The following KIAA0232 variants were observed in gnomAD, a reference collection of about 807,000 sequenced individuals.
KIAA0232 encodes uncharacterized protein KIAA0232.
Under a neutral mutation model 122.0 loss-of-function variants are expected in KIAA0232, and 27 were observed. The observed-to-expected ratio is 0.22, with a 90% CI of 0.16 to 0.31. KIAA0232 has a LOEUF of 0.31. Among genes scored for constraint, KIAA0232 ranks in the 10% least tolerant of loss-of-function variants. The pLI, the probability that KIAA0232 is intolerant of heterozygous loss-of-function variation, is 1.00. For missense variants in KIAA0232, 1,551 were observed against 1,634.2 expected (o/e 0.95, Z 0.88); for synonymous variants, 613 against 587.6 (o/e 1.04, Z -0.63).
intron 1 of KIAA0232, among the ~76,000 whole-genome samples, chr4:6,802,838 G>A (rs1268596518): frequency 4.6e-5 from 7 of 151,902 alleles, no homozygotes; most frequent in Admixed American, 2.6e-4. Context: ...AATGACAGAA[G>A]GTTGAAAGAA....
intron 4 of KIAA0232, among the ~76,000 whole-genome samples, chr4:6,850,538 T>C (rs1226758460): frequency 6.6e-6 from 1 of 152,244 alleles, no homozygotes; most frequent in African/African-American, 2.4e-5. Context: ...TAACATGATC[T>C]TATAATGTCT....
At chr4:6,813,764 T>A (rs1378498120) in intron 2 of KIAA0232, among the ~76,000 whole-genome samples, 1 of 152,120 alleles carries the variant, frequency 6.6e-6, no homozygotes, top group East Asian at 1.9e-4. Context: ...TACTTTCATT[T>A]AAAAATTTAG....
At chr4:6,867,165 C>G (rs1395635906) in intron 7 of KIAA0232, among the ~76,000 whole-genome samples, 1 of 152,108 alleles carries the variant, frequency 6.6e-6, no homozygotes, top group African/African-American at 2.4e-5. Context: ...CTAGTCAGTT[C>G]TTTATGTTTT....
At position 6,855,095 on chromosome 4, in the gene KIAA0232, AT is replaced by A. The variant is rs1214639376; in HGVS notation, c.370-2062del. Among the ~76,000 whole-genome samples the A allele has an allele frequency of 6.7e-6, 1 of 149,324 alleles. No individual in the cohort carries two copies. Among genetic ancestry groups the A allele is most frequent in the Non-Finnish European group, 1.5e-5 (1 of 67,334 alleles). Reference sequence around the variant, plus strand: ...TATTTTTTATTTTTTATTTTTTTTTATTTTTTTGAGACCGAGTCTCGCTCTG... The same window carrying A: ...TATTTTTTATTTTTTATTTTTTTTTATTTTTTGAGACCGAGTCTCGCTCTG... On this transcript the variant is annotated intron_variant, in intron 4 of 9. Transcript: ENST00000307659. This position sits in a 1 kb window ranked among gnomAD's most constrained non-coding sequence, Gnocchi z 4.3.
At chr4:6,843,044 T>C (rs2108742597) in intron 4 of KIAA0232, among the ~76,000 whole-genome samples, 1 of 152,328 alleles carries the variant, frequency 6.6e-6, no homozygotes, top group African/African-American at 2.4e-5. Flanking sequence ...TTTTTGTTTT[T>C]AGAAAATATT....
intron 2 of KIAA0232, among the ~76,000 whole-genome samples, chr4:6,816,311 C>G (rs1209176665): frequency 6.6e-6 from 1 of 151,050 alleles, no homozygotes; most frequent in South Asian, 2.1e-4. Context: ...GAGACGGAGC[C>G]TCGCTCTGTT....
intron 4 of KIAA0232, among the ~76,000 whole-genome samples, chr4:6,843,669 C>T (rs2108744532): frequency 6.6e-6 from 1 of 152,170 alleles, no homozygotes; most frequent in East Asian, 1.9e-4. Context: ...ACTTCGGAGG[C>T]TGAGGCAGGA....
chr4:6,851,334 T>C (rs761959711), intron 4 of KIAA0232, among the ~76,000 whole-genome samples: 15 of 152,210 alleles, frequency 9.9e-5, no homozygotes, highest in Non-Finnish European at 1.6e-4. Context: ...TCAGGAAGTT[T>C]ACTTGTTAGA....
At chr4:6,856,545 A>T (rs1180119843) in intron 4 of KIAA0232, among the ~76,000 whole-genome samples, 1 of 152,186 alleles carries the variant, frequency 6.6e-6, no homozygotes, top group Non-Finnish European at 1.5e-5. Flanking sequence ...CTTAAATTTT[A>T]AACTCCCAAG....
chr4:6,862,168 T>C lies in KIAA0232; in HGVS notation c.1786T>C (p.Ser596Pro), dbSNP rs1176297179. 1 of 1,614,146 alleles carries C rather than the reference T, an allele frequency of 6.2e-7. No individual in the cohort carries two copies. The highest frequency in any genetic ancestry group is 8.5e-7 in the Non-Finnish European group (1 of 1,180,012). ...NLAQFWECCS[S>P]SSGDADGESF... ...GGCTCAGTTTTGGGAGTGCTGTTCA[T>C]CCAGCTCCGGTGATGCTGATGGGGA... is the stretch of plus-strand genomic sequence containing the variant. Residue 596 changes from serine to proline, a missense_variant, in exon 7 of 10, where the codon TCC (serine) becomes CCC (proline). By Grantham distance (74) the Ser-to-Pro change is moderately conservative. Around this residue, in one of 5 missense-constraint regions of KIAA0232, gnomAD observed 1,108 missense variants for 1,154.8 expected, o/e 0.96. Coordinates refer to ENST00000307659, the MANE Select transcript of KIAA0232 (RefSeq NM_014743.3).
intron 3 of KIAA0232, among the ~76,000 whole-genome samples, chr4:6,834,063 T>A (rs1719135761): frequency 6.6e-6 from 1 of 152,194 alleles, no homozygotes; most frequent in African/African-American, 2.4e-5. Context: ...CAAGTTAACA[T>A]CTCTGTGCCT....
At chr4:6,860,242 C>T (rs888454848) in intron 6 of KIAA0232, among the ~76,000 whole-genome samples, 10 of 152,150 alleles carry the variant, frequency 6.6e-5, no homozygotes, top group Admixed American at 2.0e-4. Context: ...CCTCACAACC[C>T]TGAGAGGTAA....
At chr4:6,853,689 C>G (rs1720416413) in intron 4 of KIAA0232, among the ~76,000 whole-genome samples, 2 of 152,102 alleles carry the variant, frequency 1.3e-5, no homozygotes, top group African/African-American at 4.8e-5. Context: ...GGCACAGAAA[C>G]CTTTGAGTAT....
At chr4:6,879,672 C>T (rs574540322) in intron 9 of KIAA0232, among the ~76,000 whole-genome samples, 32 of 152,324 alleles carry the variant, frequency 2.1e-4, no homozygotes, top group Admixed American at 1.9e-3. Context: ...GCCACCACTG[C>T]ATCTCATGTC....
chr4:6,870,988 T>C, intron 7 of KIAA0232, among the ~76,000 whole-genome samples: 1 of 152,186 alleles, frequency 6.6e-6, no homozygotes, highest in Non-Finnish European at 1.5e-5. Flanking sequence ...CTTGGGAGCG[T>C]TTTTATTACA....
At chr4:6,785,270 T>C (rs1716567574) in intron 1 of KIAA0232, among the ~76,000 whole-genome samples, 1 of 152,180 alleles carries the variant, frequency 6.6e-6, no homozygotes, top group Non-Finnish European at 1.5e-5. Flanking sequence ...CCAGTGGTAA[T>C]ATAGGGTAAT....
intron 3 of KIAA0232, among the ~76,000 whole-genome samples, chr4:6,830,944 T>C (rs182816741): frequency 7.2e-4 from 110 of 152,170 alleles, no homozygotes; most frequent in African/African-American, 2.6e-3. Context: ...AAGGGAAATA[T>C]GGAATGAGTA....
At chr4:6,841,865 C>T (rs926000551) in intron 3 of KIAA0232, among the ~76,000 whole-genome samples, 2 of 152,182 alleles carry the variant, frequency 1.3e-5, no homozygotes, top group African/African-American at 2.4e-5. Context: ...ATTAAGATGG[C>T]AGTACACCCC....
At position 6,786,594 on chromosome 4, in the gene KIAA0232, C is replaced by T. The variant is rs563571170; in HGVS notation, c.-354+3753C>T. On this transcript the variant is annotated intron_variant, in intron 1 of 9. Transcript: ENST00000307659. The stretch of plus-strand genomic sequence containing the variant: ...AAGTGCTGGGATTACAAGCATGAGC[C>T]ACCGCACAAGACCCAGATGAAGTAT... 3.0e-3 allele frequency among the ~76,000 whole-genome samples: 451 copies of T among 152,308 alleles called. 3 individuals carry two copies. The highest frequency in any genetic ancestry group is 0.024 in the South Asian group (116 of 4,820).
Sources: gnomAD v4.1 joint callset for allele counts (sites outside exome capture counted in the v4.1 genomes callset) on GRCh38, gnomAD v4.1.1 for gene constraint, gnomAD v4.1.1 regional missense constraint, Gnocchi (gnomAD v3.1) non-coding constraint, MANE v1.5 for transcripts, NCBI Gene and HGNC (gene_info 2026-07-23, HGNC 2026-07-21) for gene names.